Variants in ABAT observed in about 807,000 individuals in gnomAD.
ABAT encodes 4-aminobutyrate aminotransferase, mitochondrial.
In ABAT, 45 loss-of-function variants were observed where a neutral mutation model predicts 64.6. The ratio of observed to expected loss-of-function variants is 0.70; its 90% CI spans 0.55 to 0.89. The LOEUF is 0.89. Ranked by LOEUF, ABAT falls within the 40% of genes least tolerant of loss-of-function variation. The pLI, the probability that ABAT is intolerant of heterozygous loss-of-function variation, is 0.00. For missense variants in ABAT, 633 were observed against 658.4 expected, an observed-to-expected ratio of 0.96 and a Z score of 0.42; for synonymous variants, 297 against 250.5, an observed-to-expected ratio of 1.19 and a Z score of -1.75.
At chr16:8,680,055 A>G (rs1190243392) in intron 1 of ABAT, among the ~76,000 whole-genome samples, 1 of 151,934 alleles carries the variant, frequency 6.6e-6, no homozygotes, top group African/African-American at 2.4e-5. Flanking sequence ...GCTATCTCAC[A>G]TTGCGTCTTT....
chr16:8,682,220 C>G (rs1184663838), intron 1 of ABAT, among the ~76,000 whole-genome samples: 3 of 144,854 alleles, frequency 2.1e-5, no homozygotes, highest in Non-Finnish European at 4.6e-5. Context: ...CACACACACA[C>G]ACACACAGAG....
intron 1 of ABAT, among the ~76,000 whole-genome samples, chr16:8,680,224 G>T (rs1009040661): frequency 6.6e-6 from 1 of 151,866 alleles, no homozygotes; most frequent in Non-Finnish European, 1.5e-5. Flanking sequence ...ATCACTGTTT[G>T]CTGGATTTCT....
At chr16:8,750,103 T>A (rs759420261) in intron 4 of ABAT, among the ~76,000 whole-genome samples, 1 of 152,256 alleles carries the variant, frequency 6.6e-6, no homozygotes, top group Non-Finnish European at 1.5e-5. Flanking sequence ...ATTTTAGTTT[T>A]CTTTGAGTTT....
At chr16:8,755,423 G>A (rs2059621452) in intron 5 of ABAT, among the ~76,000 whole-genome samples, 1 of 152,214 alleles carries the variant, frequency 6.6e-6, no homozygotes, top group Non-Finnish European at 1.5e-5. Flanking sequence ...ATGAAAGTGA[G>A]GATGCATTCA....
At chr16:8,714,546 C>T (rs2058158918) in intron 1 of ABAT, 1 of 152,274 alleles carries the variant, frequency 6.6e-6, no homozygotes, top group Non-Finnish European at 1.5e-5. Context: ...CCCCAAGAGG[C>T]AACCAGAAGA....
intron 5 of ABAT, among the ~76,000 whole-genome samples, chr16:8,755,713 C>T (rs970334180): frequency 4.0e-5 from 6 of 151,422 alleles, no homozygotes; most frequent in African/African-American, 1.5e-4. Context: ...GAGTTCAAGA[C>T]GAGCCTCGCC....
chr16:8,705,392 C>G (rs1482854690), intron 1 of ABAT: 1 of 152,158 alleles, frequency 6.6e-6, no homozygotes, highest in Admixed American at 6.5e-5. Context: ...AGATCCCTCC[C>G]TTGACACATG....
chr16:8,707,497 G>C (rs1346702121), intron 1 of ABAT, among the ~76,000 whole-genome samples: 1 of 151,786 alleles, frequency 6.6e-6, no homozygotes, highest in Non-Finnish European at 1.5e-5. Flanking sequence ...CAGAGTTAGA[G>C]ACATTTTAGA....
chr16:8,710,465 T>C (rs889419091), intron 1 of ABAT, among the ~76,000 whole-genome samples: 3 of 152,000 alleles, frequency 2.0e-5, no homozygotes, highest in South Asian at 2.1e-4. Flanking sequence ...AGGCTGGGCA[T>C]AGTGGCTCAC....
chr16:8,732,723 A>G, intron 1 of ABAT, among the ~76,000 whole-genome samples: 1 of 150,750 alleles, frequency 6.6e-6, no homozygotes, highest in East Asian at 2.0e-4. Flanking sequence ...GCCCGTTCTC[A>G]ATGAGCTGTC....
chr16:8,771,011 A>C (rs1250486093), intron 11 of ABAT, among the ~76,000 whole-genome samples: 1 of 152,196 alleles, frequency 6.6e-6, no homozygotes, highest in Non-Finnish European at 1.5e-5. Flanking sequence ...AAAAACAAAG[A>C]AAAACCGGGC....
chr16:8,738,616 G>GGTTT (rs1555488773), intron 2 of ABAT, among the ~76,000 whole-genome samples: 2 of 117,576 alleles, frequency 1.7e-5, no homozygotes, highest in African/African-American at 3.8e-5. Flanking sequence ...TTTTGTTTTT[G>GGTTT]TTTTTGTTTT....
chr16:8,745,884 G>T, intron 2 of ABAT, 117 bp from the exon 3 acceptor site: 1 of 931,140 alleles, frequency 1.1e-6, no homozygotes. Context: ...TGGTCTGGCT[G>T]GGATGAGGCT....
At chr16:8,775,168 G>T (rs1316426941) in intron 13 of ABAT, 111 bp downstream of exon 13, 4 of 1,433,548 alleles carry the variant, frequency 2.8e-6, no homozygotes, top group African/African-American at 2.8e-5. Context: ...TTACTGGGTC[G>T]CAGGTTTTCT....
intron 1 of ABAT, among the ~76,000 whole-genome samples, chr16:8,729,951 G>A (rs1028114150): frequency 3.3e-5 from 5 of 151,844 alleles, no homozygotes; most frequent in Admixed American, 1.3e-4. Context: ...CTATGCCCCC[G>A]CAGAGGAATG....
chr16:8,746,556 T>C (rs1329161149), intron 3 of ABAT, among the ~76,000 whole-genome samples: 2 of 151,308 alleles, frequency 1.3e-5, no homozygotes, highest in Non-Finnish European at 2.9e-5. Flanking sequence ...AATTTTGGTA[T>C]TTTGAGTAGA....
At chr16:8,758,686 ATGTC>A in intron 6 of ABAT, among the ~76,000 whole-genome samples, 1 of 152,324 alleles carries the variant, frequency 6.6e-6, no homozygotes, top group South Asian at 2.1e-4. Flanking sequence ...ATAACCAAAA[ATGTC>A]TGCAGACATG....
In ABAT at chr16:8,770,136, T is replaced by C. The variant is rs2142986399; in HGVS notation, c.816+1163T>C. 1.3e-5 allele frequency among the ~76,000 whole-genome samples: 2 copies of C among 152,286 alleles called. 1 individual carries two copies. Among genetic ancestry groups the C allele is most frequent in the South Asian group, 4.1e-4 (2 of 4,820 alleles). The stretch of plus-strand genomic sequence containing the variant: ...CTGCCAAGGAGTCACATTTGCTTTG[T>C]TTTGTTTTGCTTTGTTTTTGAGATG... On this transcript the variant is annotated intron_variant, in intron 11 of 15. Coordinates refer to ENST00000268251, the MANE Select transcript of ABAT (RefSeq NM_020686.6).
intron 13 of ABAT, among the ~76,000 whole-genome samples, chr16:8,775,660 G>A (rs111818187): frequency 3.9e-5 from 6 of 152,138 alleles, no homozygotes; most frequent in African/African-American, 1.2e-4. Context: ...GGTCCAAAAT[G>A]GCTTCTGATG....
Sources: allele counts gnomAD v4.1 joint callset (sites outside exome capture counted in the v4.1 genomes callset), GRCh38; gene constraint gnomAD v4.1.1; transcripts MANE v1.5; gene names NCBI Gene and HGNC (gene_info 2026-07-23, HGNC 2026-07-21).